The following TTC32 variants were observed in gnomAD, a reference collection of about 807,000 sequenced individuals.
TTC32 encodes the protein tetratricopeptide repeat protein 32.
A neutral mutation model predicts 15.3 loss-of-function variants in TTC32; 16 were observed. The ratio of observed to expected loss-of-function variants is 1.05; its 90% CI spans 0.71 to 1.59. The LOEUF (loss-of-function observed/expected upper bound fraction) is 1.59, where lower values mean the gene tolerates loss of function less well. Among genes scored for constraint, TTC32 ranks in the 40% most tolerant of loss-of-function variants. The pLI is 0.00. For missense variants in TTC32, 188 were observed against 181.9 expected, an observed-to-expected ratio of 1.03 and a Z score of -0.19; for synonymous variants, 89 against 67.8, an observed-to-expected ratio of 1.31 and a Z score of -1.53.
At chr2:19,901,003 C>T (rs754000602) in intron 1 of TTC32, 5 of 457,742 alleles carry the variant, frequency 1.1e-5, no homozygotes, top group East Asian at 7.2e-5. Context: ...GAACTAACTG[C>T]GAAAAGGGAA....
At chr2:19,901,248 G>T in intron 1 of TTC32, 1 of 324,690 alleles carries the variant, frequency 3.1e-6, no homozygotes, top group East Asian at 9.4e-5. Flanking sequence ...AGCCTGCGCC[G>T]TGACACTGAG....
chr2:19,899,235 T>C (rs1669559789), intron 1 of TTC32, among the ~76,000 whole-genome samples: 1 of 152,152 alleles, frequency 6.6e-6, no homozygotes, highest in Non-Finnish European at 1.5e-5. Context: ...TACTTCTGGA[T>C]GCCACTAAGC....
rs181211384 is a variant in TTC32 at position 19,901,642 on chromosome 2, C to A, written c.149+64G>T. 9 of 1,563,720 alleles carry A rather than the reference C, an allele frequency of 5.8e-6. No individual in the cohort carries two copies. In the East Asian group the frequency reaches 1.6e-4, roughly 27 times the overall value. ...TGAGCTCCAGAGGCAAAGATAGGAG[C>A]CCAAACAACCCCAACGTCGCCTCCA... On this transcript the variant is annotated intron_variant, in intron 1 of 2. Transcript: ENST00000333610.
Position 19,901,938 on chromosome 2 carries a change from C to T in TTC32, c.-84G>A. ...TGGCACCACAAAGCCACTTCCACAC[C>T]CTGGAATCTACCTTGACAGCCAACC... On this transcript the variant is annotated 5_prime_UTR_variant, in exon 1 of 3. Coordinates refer to ENST00000333610, the MANE Select transcript of TTC32 (RefSeq NM_001008237.3). The T allele has an allele frequency of 2.6e-6, 4 of 1,530,034 alleles. No individual in the cohort carries two copies. The highest frequency in any genetic ancestry group is 1.8e-6 in the Non-Finnish European group (2 of 1,120,266). 94.8% of individuals were successfully genotyped at this position (1,530,034 alleles called of 1,614,324 possible).
Position 19,896,877 on chromosome 2 carries a change from T to C in TTC32, c.*110A>G. 9.4e-7 allele frequency: 1 copy of C among 1,062,142 alleles called. No homozygotes were observed. Among genetic ancestry groups the C allele is most frequent in the South Asian group, 2.0e-5 (1 of 50,870 alleles). The allele number at this position is 1,062,142 out of a possible 1,614,324, so 65.8% of individuals were successfully genotyped here. A position where few individuals can be genotyped will look rare whatever the true frequency, so the allele number is the denominator to read the frequency against. ...AAACACACTATTTAACTTTCAGTGC[T>C]AATGTATTAATTTCTTAAATATAAA... On this transcript the variant is annotated 3_prime_UTR_variant, in exon 3 of 3. Transcript: ENST00000333610.
Position 19,896,845 on chromosome 2 carries a change from C to A in TTC32, c.*142G>T. 1.6e-6 allele frequency: 1 copy of A among 634,630 alleles called. No individual in the cohort carries two copies. The highest frequency in any genetic ancestry group is 4.1e-5 in the East Asian group (1 of 24,392). The allele number at this position is 634,630 out of a possible 1,614,324, so 39.3% of individuals were successfully genotyped here. A position where few individuals can be genotyped will look rare whatever the true frequency, so the allele number is the denominator to read the frequency against. On this transcript the variant is annotated 3_prime_UTR_variant, in exon 3 of 3. Transcript: ENST00000333610. ...AAAAACCCATTCAACCTGAAATTAA[C>A]TACCTTAAACACACTATTTAACTTT...
chr2:19,897,249 G>C (rs1358615941), intron 2 of TTC32, 123 bp from the exon 3 acceptor site: 1 of 940,692 alleles, frequency 1.1e-6, no homozygotes, highest in African/African-American at 1.7e-5. Context: ...GTCACTTCTA[G>C]TAAAGGAATC....
chr2:19,900,056 T>C (rs1163660626), intron 1 of TTC32, among the ~76,000 whole-genome samples: 2 of 152,222 alleles, frequency 1.3e-5, no homozygotes, highest in East Asian at 3.8e-4. Context: ...CATGATGAAC[T>C]CCCTTCTACT....
At chr2:19,900,771 T>C (rs973324719) in intron 1 of TTC32, among the ~76,000 whole-genome samples, 3 of 152,130 alleles carry the variant, frequency 2.0e-5, no homozygotes, top group Non-Finnish European at 4.4e-5. Flanking sequence ...TAAAAAGTAT[T>C]CTTGCCATGA....
At chr2:19,898,846 A>G (rs1027845345) in intron 1 of TTC32, among the ~76,000 whole-genome samples, 1 of 152,212 alleles carries the variant, frequency 6.6e-6, no homozygotes, top group Non-Finnish European at 1.5e-5. Flanking sequence ...TTCTCTGCAC[A>G]GGACAAATAG....
intron 2 of TTC32, 136 bp downstream of exon 2, chr2:19,897,733 C>T: frequency 1.4e-6 from 1 of 695,358 alleles, no homozygotes; most frequent in African/African-American, 1.8e-5. Context: ...AGGGACACTT[C>T]CTTTGTTCCA....
chr2:19,897,710 C>A (rs981866091), intron 2 of TTC32, among the ~76,000 whole-genome samples, 159 bp downstream of exon 2: 1 of 152,192 alleles, frequency 6.6e-6, no homozygotes, highest in Admixed American at 6.5e-5. Context: ...TATCAAAAGC[C>A]TAAAATAAAC....
Position 19,897,859 on chromosome 2 carries a change from A to G in TTC32, c.316+10T>C. 6.7e-7 allele frequency: 1 copy of G among 1,492,338 alleles called. No homozygotes were observed. 92.4% of individuals were successfully genotyped at this position (1,492,338 alleles called of 1,614,324 possible). ...CAATGACAAAACTCAAAAAGAAAAA[A>G]AATTCTTACCCAGCCTATACAGTAT... On this transcript the variant is annotated intron_variant, in intron 2 of 2. Transcript: ENST00000333610.
intron 1 of TTC32, chr2:19,901,244 C>A (rs1669597890): frequency 9.3e-6 from 3 of 322,706 alleles, no homozygotes; most frequent in South Asian, 4.5e-5. Flanking sequence ...CAAGAGCCTG[C>A]GCCGTGACAC....
At position 19,901,692 on chromosome 2, in the gene TTC32, C is replaced by T. The variant is rs1669608584; in HGVS notation, c.149+14G>A. 1 of 1,605,570 alleles carries T rather than the reference C, an allele frequency of 6.2e-7. No individual in the cohort carries two copies. The highest frequency in any genetic ancestry group is 1.1e-5 in the South Asian group (1 of 90,734). The stretch of plus-strand genomic sequence containing the variant: ...ACCCGGGGTCGCCGCGGCCCCAGGT[C>T]TCGCGATAGTTACCTCCCGGGACTC... On this transcript the variant is annotated intron_variant, in intron 1 of 2. Transcript: ENST00000333610.
Position 19,897,140 on chromosome 2 carries a change from C to G in TTC32, c.317-14G>C. On this transcript the variant is annotated splice_polypyrimidine_tract_variant and intron_variant, in intron 2 of 2. Transcript: ENST00000333610. ...CATCAAAATATCCTGTACCAGAACC[C>G]AAAAAATGGAAAAGAGAAAAGAAAC... 6.4e-7 allele frequency: 1 copy of G among 1,571,718 alleles called. No individual in the cohort carries two copies. Among genetic ancestry groups the G allele is most frequent in the Non-Finnish European group, 8.6e-7 (1 of 1,167,788 alleles).
Position 19,896,837 on chromosome 2 carries a change from G to A in TTC32, c.*150C>T, listed in dbSNP as rs1669518364. 1 of 574,982 alleles carries A rather than the reference G, an allele frequency of 1.7e-6. No homozygotes were observed. Among genetic ancestry groups the A allele is most frequent in the African/African-American group, 2.0e-5 (1 of 50,372 alleles). 35.6% of individuals were successfully genotyped at this position (574,982 alleles called of 1,614,324 possible). A position where few individuals can be genotyped will look rare whatever the true frequency, so the allele number is the denominator to read the frequency against. On this transcript the variant is annotated 3_prime_UTR_variant, in exon 3 of 3. Transcript: ENST00000333610. ...TCATTAAAAAAAACCCATTCAACCT[G>A]AAATTAACTACCTTAAACACACTAT...
intron 1 of TTC32, 189 bp from the exon 2 acceptor site, chr2:19,898,224 C>G: frequency 2.0e-6 from 1 of 510,196 alleles, no homozygotes; most frequent in East Asian, 3.0e-5. Context: ...CTGTTATCTA[C>G]TTTTGTAGGG....
intron 1 of TTC32, 147 bp downstream of exon 1, chr2:19,901,559 A>G: frequency 8.7e-7 from 1 of 1,148,934 alleles, no homozygotes; most frequent in Non-Finnish European, 1.2e-6. Flanking sequence ...AGGCCTTTCT[A>G]GAAAGACGAA....
Sources: gnomAD v4.1 joint callset for allele counts (sites outside exome capture counted in the v4.1 genomes callset) on GRCh38, gnomAD v4.1.1 for gene constraint, MANE v1.5 for transcripts, NCBI Gene and HGNC (gene_info 2026-07-23, HGNC 2026-07-21) for gene names.